Variants in TTC7A observed in about 807,000 individuals in gnomAD.
TTC7A encodes tetratricopeptide repeat protein 7A.
Under a neutral mutation model 103.7 loss-of-function variants are expected in TTC7A, and 110 were observed. That is an observed-to-expected ratio of 1.06 (90% CI 0.91 to 1.24). The LOEUF (loss-of-function observed/expected upper bound fraction) is 1.24. TTC7A is among the 50% of genes most tolerant of loss of function. The pLI, the probability that TTC7A is intolerant of heterozygous loss-of-function variation, is 0.00. For synonymous variants in TTC7A, 521 were observed against 467.9 expected, an observed-to-expected ratio of 1.11 and a Z score of -1.47; for missense variants, 1,340 against 1,116.3, an observed-to-expected ratio of 1.20 and a Z score of -2.86.
At chr2:46,934,948 G>A (rs1196277785) in intron 2 of TTC7A, among the ~76,000 whole-genome samples, 7 of 151,218 alleles carry the variant, frequency 4.6e-5, no homozygotes, top group East Asian at 2.0e-4. Context: ...CTACAGGCGC[G>A]CACCACCACG....
intron 11 of TTC7A, among the ~76,000 whole-genome samples, chr2:47,019,665 CT>C (rs1428419719): frequency 6.6e-6 from 1 of 152,110 alleles, no homozygotes; most frequent in Non-Finnish European, 1.5e-5. Flanking sequence ...AGAACAGATA[CT>C]TTGCCAGTAT....
intron 11 of TTC7A, among the ~76,000 whole-genome samples, chr2:47,015,964 A>G: frequency 6.6e-6 from 1 of 152,168 alleles, no homozygotes; most frequent in South Asian, 2.1e-4. Flanking sequence ...GAGAAACTGG[A>G]GGTGCTGTTA....
In TTC7A at chr2:46,942,771, C is replaced by T. The variant is rs111628471; in HGVS notation, c.184+1046C>T. ...TCCTTTAAATCACTTGCACTATTAC[C>T]TCTCAAAGATGTACAGCACAAAATC... On this transcript the variant is annotated intron_variant, in intron 1 of 19. Coordinates refer to ENST00000319190, the MANE Select transcript of TTC7A (RefSeq NM_020458.4). Among the ~76,000 whole-genome samples, 369 of 152,308 alleles carry T rather than the reference C, an allele frequency of 2.4e-3. 2 individuals carry two copies. The highest frequency in any genetic ancestry group is 8.4e-3 in the African/African-American group (350 of 41,554).
rs191431871 is a variant in TTC7A at position 47,049,284 on chromosome 2, C to A, written c.1920-665C>A. On this transcript the variant is annotated intron_variant, in intron 16 of 19. Coordinates refer to ENST00000319190, the MANE Select transcript of TTC7A (RefSeq NM_020458.4). ...TGCTTGTGCCCCAGGATGGCCACGG[C>A]GGGCTTAAGCTGGAGGCTATTTCCT... Among the ~76,000 whole-genome samples the A allele has an allele frequency of 3.6e-3, 544 of 152,202 alleles. 3 individuals carry two copies. The highest frequency in any genetic ancestry group is 0.013 in the African/African-American group (525 of 41,512).
At chr2:46,978,159 A>C (rs143946993) in intron 4 of TTC7A, 1 of 152,624 alleles carries the variant, frequency 6.6e-6, no homozygotes, top group African/African-American at 2.4e-5. Flanking sequence ...CGGTCTCTCT[A>C]CCATGTGCTC....
intron 14 of TTC7A, 28 bp downstream of exon 14, chr2:47,024,387 G>T: frequency 6.3e-7 from 1 of 1,581,310 alleles, no homozygotes; most frequent in Non-Finnish European, 8.6e-7. Flanking sequence ...CTAACCCCCG[G>T]GTCCTCGGGG....
At chr2:47,016,946 C>T (rs1276310245) in intron 11 of TTC7A, among the ~76,000 whole-genome samples, 1 of 152,072 alleles carries the variant, frequency 6.6e-6, no homozygotes, top group East Asian at 1.9e-4. Flanking sequence ...CACCTGTAAT[C>T]CCAGCACCTT....
chr2:47,001,858 T>TC (rs1676846333), intron 8 of TTC7A, among the ~76,000 whole-genome samples: 1 of 95,586 alleles, frequency 1.0e-5, no homozygotes. Context: ...AGACTCTGTC[T>TC]CAAAAAAAAA....
At chr2:46,992,233 G>A (rs1163570328) in intron 5 of TTC7A, among the ~76,000 whole-genome samples, 2 of 152,248 alleles carry the variant, frequency 1.3e-5, no homozygotes, top group Non-Finnish European at 2.9e-5. Flanking sequence ...AGGAGCTGCT[G>A]GGTGGAGCTT....
At chr2:47,038,969 C>G (rs1252837449) in intron 15 of TTC7A, among the ~76,000 whole-genome samples, 2 of 152,136 alleles carry the variant, frequency 1.3e-5, no homozygotes, top group African/African-American at 4.8e-5. Context: ...AAGGATCTCG[C>G]AGGAAGACAG....
intron 2 of TTC7A, among the ~76,000 whole-genome samples, chr2:46,951,250 A>G (rs1671377371): frequency 6.6e-6 from 1 of 152,146 alleles, no homozygotes; most frequent in Admixed American, 6.5e-5. Context: ...GCTGCTCAAA[A>G]TGTGGTCCAC....
chr2:46,942,215 C>A (rs1263081927), intron 1 of TTC7A, among the ~76,000 whole-genome samples: 5 of 152,156 alleles, frequency 3.3e-5, no homozygotes, highest in Non-Finnish European at 5.9e-5. Flanking sequence ...AGAGGCTTGG[C>A]CAGCCTCAGT....
rs201734751 is a variant in TTC7A at position 46,975,012 on chromosome 2, G to T, written c.557G>T (p.Arg186Leu). ...LERLPNSIAS[R>L]FRLTEREEEV... ...CGCCTACCCAACTCCATCGCCTCCC[G>T]CTTCCGCCTGACAGAGAGGGAGGAG... Residue 186 changes from arginine to leucine, a missense_variant, in exon 4 of 20, where the codon CGC (arginine) becomes CTC (leucine). Arg to Leu is a moderately radical substitution (Grantham distance 102). Transcript: ENST00000319190. 20 of 1,613,828 alleles carry T rather than the reference G, an allele frequency of 1.2e-5. 1 individual carries two copies. In the South Asian group the frequency reaches 2.1e-4, roughly 17 times the overall value.
chr2:47,042,008 T>C (rs1681808086), intron 15 of TTC7A, among the ~76,000 whole-genome samples: 1 of 152,078 alleles, frequency 6.6e-6, no homozygotes, highest in Non-Finnish European at 1.5e-5. Context: ...TGAAGCTTAA[T>C]AGCATCTGGA....
chr2:47,034,646 C>G (rs1376141393), intron 15 of TTC7A, among the ~76,000 whole-genome samples: 3 of 152,186 alleles, frequency 2.0e-5, no homozygotes, highest in East Asian at 1.9e-4. Flanking sequence ...GCCTGGCAGT[C>G]TGCCAGGCTG....
At chr2:46,932,038 G>A (rs1376499282) in intron 2 of TTC7A, among the ~76,000 whole-genome samples, 1 of 152,018 alleles carries the variant, frequency 6.6e-6, no homozygotes, top group African/African-American at 2.4e-5. Flanking sequence ...AGAAGTATTC[G>A]TAAAATTCAA....
At chr2:46,998,941 T>C (rs1051067582) in intron 8 of TTC7A, among the ~76,000 whole-genome samples, 11 of 152,204 alleles carry the variant, frequency 7.2e-5, no homozygotes, top group African/African-American at 2.4e-4. Context: ...ATATAACTGG[T>C]TGAAGATGAT....
chr2:47,047,212 A>T, intron 16 of TTC7A: 1 of 1,007,042 alleles, frequency 9.9e-7, no homozygotes, highest in Non-Finnish European at 1.5e-6. Context: ...TGGCTGTGTC[A>T]TCTCCCTGAG....
At chr2:47,008,479 C>T (rs937937143) in intron 10 of TTC7A, among the ~76,000 whole-genome samples, 1 of 152,208 alleles carries the variant, frequency 6.6e-6, no homozygotes, top group Non-Finnish European at 1.5e-5. Context: ...GAGCTGGTTT[C>T]GCGACTTGGC....
Sources: gnomAD v4.1 joint callset for allele counts (sites outside exome capture counted in the v4.1 genomes callset) on GRCh38, gnomAD v4.1.1 for gene constraint, MANE v1.5 for transcripts, NCBI Gene and HGNC (gene_info 2026-07-23, HGNC 2026-07-21) for gene names.